RAPGEF2: variants seen among roughly 807,000 people sequenced by gnomAD.
RAPGEF2 encodes Rap guanine nucleotide exchange factor 2, also known as PDZ domain containing guanine nucleotide exchange factor (GEF) 1.
In RAPGEF2, 54 loss-of-function variants were observed where a neutral mutation model predicts 186.7. The ratio of observed to expected loss-of-function variants is 0.29; its 90% confidence interval spans 0.23 to 0.36. The LOEUF is 0.36. Among genes scored for constraint, RAPGEF2 ranks in the 10% least tolerant of loss-of-function variants. The probability of loss-of-function intolerance (pLI) is 1.00; values close to 1 mark genes in which losing one functional copy is unlikely to be tolerated. For missense variants in RAPGEF2, 1,532 were observed against 2,045.0 expected (o/e 0.75, Z 4.84); for synonymous variants, 712 against 705.9 (o/e 1.01, Z -0.14).
At position 159,121,095 on chromosome 4, in the gene RAPGEF2, T is replaced by G. The variant is rs114368181; in HGVS notation, c.69+16864T>G. On this transcript the variant is annotated intron_variant, in intron 1 of 29. Coordinates refer to ENST00000691494, the MANE Select transcript of RAPGEF2 (RefSeq NM_001394067.2). ...ATCTTGAACTCCATCTCAAGCTATC[T>G]GCCTGCCTTGGCCTCCTAAAGTGCT... 8.6e-3 allele frequency among the ~76,000 whole-genome samples: 1,311 copies of G among 152,264 alleles called. 15 individuals carry two copies. The highest frequency in any genetic ancestry group is 0.03 in the African/African-American group (1,263 of 41,548).
chr4:159,164,510 C>G (rs1579346816), intron 1 of RAPGEF2, among the ~76,000 whole-genome samples: 2 of 152,006 alleles, frequency 1.3e-5, no homozygotes, highest in Non-Finnish European at 2.9e-5. Context: ...TGAAAACTGT[C>G]TTTGATATCT....
At chr4:159,254,002 A>G (rs1012917045) in intron 7 of RAPGEF2, among the ~76,000 whole-genome samples, 1 of 152,246 alleles carries the variant, frequency 6.6e-6, no homozygotes, top group Non-Finnish European at 1.5e-5. Context: ...CGACTGGAAT[A>G]ATTGCACGTC....
intron 2 of RAPGEF2, among the ~76,000 whole-genome samples, chr4:159,191,493 C>T (rs1748116751): frequency 6.6e-6 from 1 of 152,164 alleles, no homozygotes; most frequent in African/African-American, 2.4e-5. Flanking sequence ...GTAATCCCAG[C>T]ACTGTGGGAG....
chr4:159,327,570 T>G (rs1766096774), intron 11 of RAPGEF2: 1 of 151,576 alleles, frequency 6.6e-6, no homozygotes, highest in East Asian at 1.9e-4. Context: ...AGCAGGAGAA[T>G]CATTTGAACC....
intron 7 of RAPGEF2, among the ~76,000 whole-genome samples, chr4:159,301,255 G>A (rs1439894305): frequency 1.3e-5 from 2 of 152,082 alleles, no homozygotes; most frequent in African/African-American, 4.8e-5. Context: ...TGTAATCCCA[G>A]CTCTTTGGGA....
chr4:159,106,698 A>C (rs998859594), intron 1 of RAPGEF2, among the ~76,000 whole-genome samples: 1 of 152,200 alleles, frequency 6.6e-6, no homozygotes, highest in Non-Finnish European at 1.5e-5. Context: ...GAACATATGT[A>C]ATTTTTTTTC....
chr4:159,291,532 G>A (rs1333360679), intron 7 of RAPGEF2, among the ~76,000 whole-genome samples: 1 of 152,162 alleles, frequency 6.6e-6, no homozygotes, highest in Non-Finnish European at 1.5e-5. Context: ...CTGGACTCAA[G>A]CTATCCTCCC....
At chr4:159,153,911 G>C (rs1016861880) in intron 1 of RAPGEF2, among the ~76,000 whole-genome samples, 2 of 152,192 alleles carry the variant, frequency 1.3e-5, no homozygotes, top group African/African-American at 4.8e-5. Flanking sequence ...ATGGTATACA[G>C]TCGATGTTCA....
chr4:159,289,974 C>T (rs2110949117), intron 7 of RAPGEF2, among the ~76,000 whole-genome samples: 1 of 152,156 alleles, frequency 6.6e-6, no homozygotes, highest in Admixed American at 6.5e-5. Context: ...CAGTGGGGTG[C>T]AGTGGTTAGG....
At chr4:159,218,420 A>G (rs950289379) in intron 4 of RAPGEF2, among the ~76,000 whole-genome samples, 7 of 152,214 alleles carry the variant, frequency 4.6e-5, no homozygotes, top group African/African-American at 1.7e-4. Flanking sequence ...TAAATGAGGC[A>G]ATACGTAAGC....
intron 11 of RAPGEF2, among the ~76,000 whole-genome samples, chr4:159,325,649 C>A (rs1157720064): frequency 6.6e-6 from 1 of 151,890 alleles, no homozygotes; most frequent in Non-Finnish European, 1.5e-5. Context: ...CCTTAATTAG[C>A]CAGACCCTTT....
chr4:159,157,352 GAAAA>G, intron 1 of RAPGEF2, among the ~76,000 whole-genome samples: 1 of 152,124 alleles, frequency 6.6e-6, no homozygotes, highest in Middle Eastern at 3.4e-3. Flanking sequence ...TGAAAAAAAA[GAAAA>G]AAAGCCAACT....
intron 7 of RAPGEF2, among the ~76,000 whole-genome samples, chr4:159,284,419 A>G (rs1760155189): frequency 6.6e-6 from 1 of 151,572 alleles, no homozygotes; most frequent in African/African-American, 2.4e-5. Context: ...CTAAGGGATC[A>G]TGGAGAAGTC....
rs772674535 is a variant in RAPGEF2, at chr4:159,352,839, C to G, written c.4020C>G (p.Ile1340Met). 2 of 1,614,168 alleles carry G rather than the reference C, an allele frequency of 1.2e-6. No homozygotes were observed. The highest frequency in any genetic ancestry group is 2.2e-5 in the South Asian group (2 of 91,070). ...DERRQRHSVSIVETNLGMGRM... is the reference protein window; with the variant it reads ...DERRQRHSVSMVETNLGMGRM... ...GGCGCCAGAGGCATTCTGTCAGCAT[C>G]GTGGAAACAAACCTAGGGATGGGCA... Residue 1340 changes from isoleucine to methionine, a missense_variant, in exon 27 of 30, where the codon ATC becomes ATG. By Grantham distance (10) the Ile-to-Met change is conservative (BLOSUM62 1). Transcript: ENST00000691494.
chr4:159,233,688 T>G (rs1752899204), intron 4 of RAPGEF2, among the ~76,000 whole-genome samples: 1 of 152,050 alleles, frequency 6.6e-6, no homozygotes, highest in Non-Finnish European at 1.5e-5. Context: ...GCTTGGATGA[T>G]GGGGGCACCA....
At chr4:159,356,560 T>C (rs953884651) in intron 29 of RAPGEF2, among the ~76,000 whole-genome samples, 1 of 152,232 alleles carries the variant, frequency 6.6e-6, no homozygotes, top group Non-Finnish European at 1.5e-5. Flanking sequence ...ACTTGATTTC[T>C]TTTCTAATTC....
intron 10 of RAPGEF2, among the ~76,000 whole-genome samples, chr4:159,323,051 A>G (rs1354599886): frequency 6.6e-6 from 1 of 152,180 alleles, no homozygotes; most frequent in African/African-American, 2.4e-5. Context: ...GAAAATAGAA[A>G]GTTTTTGATA....
At chr4:159,149,886 T>C (rs1253621624) in intron 1 of RAPGEF2, among the ~76,000 whole-genome samples, 2 of 152,212 alleles carry the variant, frequency 1.3e-5, no homozygotes, top group African/African-American at 4.8e-5. Context: ...AGATGTGATG[T>C]TGAAAATGTA....
At chr4:159,280,903 T>C (rs1759602571) in intron 7 of RAPGEF2, among the ~76,000 whole-genome samples, 1 of 152,166 alleles carries the variant, frequency 6.6e-6, no homozygotes, top group Admixed American at 6.5e-5. Flanking sequence ...AATAAAGTAC[T>C]TTATTTACCA....
Sources: allele counts gnomAD v4.1 joint callset (sites outside exome capture counted in the v4.1 genomes callset), GRCh38; gene constraint gnomAD v4.1.1; transcripts MANE v1.5; gene names NCBI Gene and HGNC (gene_info 2026-07-23, HGNC 2026-07-21).